Variants in SOAT2 observed in about 807,000 individuals in gnomAD.
The protein encoded by SOAT2 is sterol O-acyltransferase 2, also known as ACAT-2.
Under a neutral mutation model 76.0 loss-of-function variants are expected in SOAT2, and 87 were observed. The observed-to-expected ratio is 1.14, with a 90% CI of 0.96 to 1.37. The LOEUF is 1.37. Ranked by LOEUF, SOAT2 falls within the 40% of genes most tolerant of loss-of-function variation. The probability of loss-of-function intolerance (pLI) is 0.00; values close to 1 mark genes in which losing one functional copy is unlikely to be tolerated. For missense variants in SOAT2, 686 were observed against 682.1 expected (o/e 1.01, Z -0.06); for synonymous variants, 285 against 275.4 (o/e 1.03, Z -0.34).
intron 7 of SOAT2, 86 bp downstream of exon 7, chr12:53,116,252 C>T (rs568803614): frequency 1.3e-4 from 170 of 1,264,334 alleles, no homozygotes; most frequent in Non-Finnish European, 1.8e-4. Flanking sequence ...TGATAAAAGT[C>T]CCTGCCTTCC....
intron 14 of SOAT2, 48 bp from the exon 15 acceptor site, chr12:53,124,025 G>T (rs1033326472): frequency 2.5e-6 from 4 of 1,611,714 alleles, no homozygotes; most frequent in South Asian, 2.2e-5. Context: ...TGCATGGGTT[G>T]AGTCACCAGG....
At chr12:53,116,477 C>G (rs1208533660) in intron 7 of SOAT2, among the ~76,000 whole-genome samples, 3 of 152,204 alleles carry the variant, frequency 2.0e-5, no homozygotes, top group African/African-American at 7.2e-5. Context: ...TAGCATCATT[C>G]TTAAGGGCCC....
Position 53,118,954 on chromosome 12 carries a change from A to T in SOAT2, c.909+19A>T, listed in dbSNP as rs763925674. On this transcript the variant is annotated intron_variant, in intron 9 of 14. Coordinates refer to ENST00000301466, the MANE Select transcript of SOAT2 (RefSeq NM_003578.4). ...TGCCCAGGTGAGAAGATAGGGTAGA[A>T]GGGTGGACCTGTGACTCATGGTGGT... is the stretch of plus-strand genomic sequence containing the variant. The T allele has an allele frequency of 1.9e-6, 3 of 1,614,080 alleles. No homozygotes were observed. Among genetic ancestry groups the T allele is most frequent in the Non-Finnish European group, 2.5e-6 (3 of 1,179,954 alleles).
At chr12:53,107,189 C>T (rs1937948858) in intron 5 of SOAT2, among the ~76,000 whole-genome samples, 3 of 152,112 alleles carry the variant, frequency 2.0e-5, no homozygotes, top group Admixed American at 6.5e-5. Flanking sequence ...TCATGAGAAT[C>T]GCAGGGAGAT....
Position 53,122,590 on chromosome 12 carries a change from C to T in SOAT2, c.1237-491C>T, listed in dbSNP as rs1938208358. On this transcript the variant is annotated intron_variant, in intron 12 of 14. Coordinates refer to ENST00000301466, the MANE Select transcript of SOAT2 (RefSeq NM_003578.4). ...TTAGCAAAGCACATCTTGCACCGCC[C>T]TTAATCCATTTAACCCTGAGTGGAC... 2.0e-5 allele frequency among the ~76,000 whole-genome samples: 3 copies of T among 152,034 alleles called. No homozygotes were observed. In the South Asian group the frequency reaches 6.2e-4, roughly 32 times the overall value.
intron 5 of SOAT2, among the ~76,000 whole-genome samples, chr12:53,111,110 A>G (rs926445575): frequency 1.5e-5 from 2 of 133,292 alleles, no homozygotes; most frequent in Non-Finnish European, 3.2e-5. Context: ...TCATTTGCCT[A>G]CATTTTTTTT....
Position 53,120,837 on chromosome 12 carries a change from AC to A in SOAT2, c.1092del (p.Asn364LysfsTer58). The stretch of plus-strand genomic sequence containing the variant: ...TTTGCCTTCCTCCATTGCTGGCTCA[AC>A]GCCTTTGCCGAGATGCTACGATTTG... ...IFFAFLHCWL[N>X]AFAEMLRFGD... On this transcript the variant is annotated frameshift_variant, in exon 11 of 15. Transcript: ENST00000301466. LOFTEE classifies it high-confidence loss of function. 1 of 1,613,896 alleles carries A rather than the reference AC, an allele frequency of 6.2e-7. No homozygotes were observed. Among genetic ancestry groups the A allele is most frequent in the South Asian group, 1.1e-5 (1 of 91,078 alleles).
intron 4 of SOAT2, 51 bp from the exon 5 acceptor site, chr12:53,105,856 C>T (rs745406784): frequency 4.6e-6 from 5 of 1,090,542 alleles, no homozygotes; most frequent in Admixed American, 4.4e-5. Context: ...AGCTAGTTCA[C>T]ACAACCCTGA....
chr12:53,121,358 T>G lies in SOAT2; in HGVS notation c.1193T>G (p.Val398Gly). The G allele has an allele frequency of 1.9e-6, 3 of 1,614,142 alleles. No homozygotes were observed. Among genetic ancestry groups the G allele is most frequent in the Non-Finnish European group, 2.5e-6 (3 of 1,180,018 alleles). ...TACTACCGCACTTGGAACGTGGTGG[T>G]CCATGACTGGCTGTACAGCTACGTG... ...SNYYRTWNVV[V>G]HDWLYSYVYQ... The change falls in exon 12 of 15, where the codon GTC becomes GGC. Residue 398 changes from valine to glycine, a missense_variant. Transcript: ENST00000301466.
At chr12:53,105,264 C>T (rs557564089) in intron 3 of SOAT2, 21 bp downstream of exon 3, 22 of 1,595,476 alleles carry the variant, frequency 1.4e-5, no homozygotes, top group Admixed American at 3.5e-5. Flanking sequence ...GGAATGGCTG[C>T]GCGGGCTCCT....
At chr12:53,123,612 ATCT>A in intron 13 of SOAT2, 113 bp from the exon 14 acceptor site, 1 of 1,262,874 alleles carries the variant, frequency 7.9e-7, no homozygotes. Context: ...TGAGTTCAAG[ATCT>A]TCTCCAATGG....
chr12:53,114,067 T>A (rs1938063632), intron 5 of SOAT2, among the ~76,000 whole-genome samples: 1 of 152,208 alleles, frequency 6.6e-6, no homozygotes, highest in Non-Finnish European at 1.5e-5. Context: ...ATAAGGGCAC[T>A]GGCTTTTAAT....
In SOAT2 at chr12:53,104,137, A is replaced by G. The variant is rs754233013; in HGVS notation, c.83-14A>G. ...ATTCCTCCTGTTGACTGTGCCTTTG[A>G]TCCCTCCTCACAGGAAACACTGAGA... On this transcript the variant is annotated splice_polypyrimidine_tract_variant and intron_variant, in intron 1 of 14. Transcript: ENST00000301466. 2.5e-6 allele frequency: 4 copies of G among 1,612,262 alleles called. No individual in the cohort carries two copies. Among genetic ancestry groups the G allele is most frequent in the Non-Finnish European group, 3.4e-6 (4 of 1,178,724 alleles).
chr12:53,110,486 G>T (rs1304103117), intron 5 of SOAT2, among the ~76,000 whole-genome samples: 1 of 152,050 alleles, frequency 6.6e-6, no homozygotes, highest in African/African-American at 2.4e-5. Flanking sequence ...ATTCTTTCAG[G>T]ACTTCCACAG....
chr12:53,120,940 T>A (rs1023116093), intron 11 of SOAT2, 57 bp downstream of exon 11: 7 of 1,335,418 alleles, frequency 5.2e-6, no homozygotes, highest in African/African-American at 1.4e-5. Flanking sequence ...TAGGGAGGGA[T>A]CTGGGGAAGA....
chr12:53,115,818 G>A (rs1938099378), intron 6 of SOAT2, among the ~76,000 whole-genome samples, 164 bp downstream of exon 6: 1 of 152,228 alleles, frequency 6.6e-6, no homozygotes, highest in South Asian at 2.1e-4. Context: ...CCATTACGAG[G>A]GATTTGGGGA....
At chr12:53,104,957 T>A in intron 2 of SOAT2, 150 bp from the exon 3 acceptor site, 1 of 778,516 alleles carries the variant, frequency 1.3e-6, no homozygotes, top group Non-Finnish European at 1.9e-6. Context: ...CTGCCACCAC[T>A]GAACCCCCAT....
Position 53,105,568 on chromosome 12 carries a change from G to A in SOAT2, c.283G>A (p.Glu95Lys). 1 of 1,611,664 alleles carries A rather than the reference G, an allele frequency of 6.2e-7. No homozygotes were observed. The highest frequency in any genetic ancestry group is 1.1e-5 in the South Asian group (1 of 90,422). ...PPPGSLSRTQ[E>K]PSLGKQKVFI... ...ACAAACATCTCAATTCAGGACCCAG[G>A]AGCCATCCCTGGGGAAACAGAAAGT... The change falls in exon 4 of 15, where the codon GAG (glutamate) becomes AAG (lysine). Residue 95 changes from glutamate (E) to lysine (K), a missense_variant. Transcript: ENST00000301466.
In SOAT2 at chr12:53,119,163, C is replaced by T. The variant is rs757714284; in HGVS notation, c.949C>T (p.Arg317Cys). Residue 317 changes from arginine (R) to cysteine (C), a missense_variant, in exon 10 of 15, where the codon CGC becomes TGC. Transcript: ENST00000301466. ...CVLYACFILG[R>C]LCVPVFANMS... is the part of the protein sequence containing the mutation. ...GCTCTATGCCTGCTTCATCCTGGGC[C>T]GCCTCTGTGTTCCTGTCTTTGCCAA... The T allele has an allele frequency of 1.9e-5, 30 of 1,613,912 alleles. No individual in the cohort carries two copies. The highest frequency in any genetic ancestry group is 1.1e-4 in the African/African-American group (8 of 74,866).
Sources: gnomAD v4.1 joint callset for allele counts (sites outside exome capture counted in the v4.1 genomes callset) on GRCh38, gnomAD v4.1.1 for gene constraint, MANE v1.5 for transcripts, NCBI Gene and HGNC (gene_info 2026-07-23, HGNC 2026-07-21) for gene names.